The following GLIS3 variants were observed in gnomAD, a reference collection of about 807,000 sequenced individuals.
GLIS3 encodes GLIS family zinc finger 3, also known as zinc finger protein GLIS3.
A neutral mutation model predicts 78.6 loss-of-function variants in GLIS3; 53 were observed. That is an observed-to-expected ratio of 0.67 (90% CI 0.54 to 0.85). The LOEUF (loss-of-function observed/expected upper bound fraction) is 0.85. Ranked by LOEUF, GLIS3 falls within the 40% of genes least tolerant of loss-of-function variation. The pLI, the probability that GLIS3 is intolerant of heterozygous loss-of-function variation, is 0.00. For synonymous variants in GLIS3, 684 were observed against 509.9 expected, an observed-to-expected ratio of 1.34 and a Z score of -4.60; for missense variants, 1,703 against 1,231.1, an observed-to-expected ratio of 1.38 and a Z score of -5.74.
At chr9:4,237,797 T>G (rs182654281) in intron 2 of GLIS3, among the ~76,000 whole-genome samples, 1,654 of 152,342 alleles carry the variant, frequency 0.011, 11 homozygotes, top group South Asian at 0.04. Context: ...TTCTTTTCTC[T>G]CTTCCTGTTT....
rs139835816 is a variant in GLIS3, at chr9:4,117,990, G to C, written c.1488C>G (p.Ile496Met). ...TCCAGCGGCAGCAATGCTTGCCCCC[G>C]ATGCCGTCCATCTCCCCGTCGTCGT... ...TLDDDGEMDG[I>M]GGKHCCRWID... is the part of the protein sequence containing the mutation. Residue 496 changes from isoleucine (I) to methionine (M), a missense_variant, in exon 4 of 11, where the codon ATC becomes ATG. By Grantham distance (10) the Ile-to-Met change is conservative (BLOSUM62 1). Transcript: ENST00000381971. The C allele has an allele frequency of 6.2e-7, 1 of 1,611,446 alleles. No individual in the cohort carries two copies. Among genetic ancestry groups the C allele is most frequent in the African/African-American group, 1.3e-5 (1 of 74,900 alleles).
At chr9:4,340,219 T>C (rs994578429) in intron 2 of GLIS3, among the ~76,000 whole-genome samples, 6 of 151,782 alleles carry the variant, frequency 4.0e-5, no homozygotes, top group African/African-American at 1.2e-4. Flanking sequence ...AGAGTTAGTA[T>C]GTATTTTTTA....
chr9:4,445,082 TAGAA>T, the GLIS3 span, among the ~76,000 whole-genome samples: 1 of 152,316 alleles, frequency 6.6e-6, no homozygotes, highest in Admixed American at 6.5e-5. Flanking sequence ...TGGGGAATAT[TAGAA>T]AGACGGAAAT....
rs1359808778 is a variant in GLIS3, at chr9:4,276,567, G to GGAAGGGAAGC, written c.388+9470_388+9471insGCTTCCCTTC. Reference sequence around the variant, plus strand: ...GGAAGGGGAGGGGAGGGGAGGGGAGGGAAGAGAAGAAAGAAAATGCTATAG... The same window carrying GGAAGGGAAGC: ...GGAAGGGGAGGGGAGGGGAGGGGAGGGAAGGGAAGCGAAGAGAAGAAAGAAAATGCTATAG... On this transcript the variant is annotated intron_variant, in intron 2 of 10. Transcript: ENST00000381971. Among the ~76,000 whole-genome samples the GGAAGGGAAGC allele has an allele frequency of 1.2e-3, 184 of 147,516 alleles. 3 individuals are homozygous for GGAAGGGAAGC. Among genetic ancestry groups the GGAAGGGAAGC allele is most frequent in the African/African-American group, 4.5e-3 (178 of 39,730 alleles).
In GLIS3 at chr9:4,117,836, A is replaced by G. The variant is rs1165193847; in HGVS notation, c.1642T>C (p.Phe548Leu). Residue 548 changes from phenylalanine to leucine, a missense_variant, in exon 4 of 11, where the codon TTC (phenylalanine) becomes CTC (leucine). By Grantham distance (22) the Phe-to-Leu change is conservative (BLOSUM62 0). Coordinates refer to ENST00000381971, the MANE Select transcript of GLIS3 (RefSeq NM_001042413.2). ...WAGCPRRYKPFNARYKLLIHM... is the reference protein window; with the variant it reads ...WAGCPRRYKPLNARYKLLIHM... ...ATCAGCAGTTTATAGCGGGCGTTGA[A>G]GGGCTTGTATCTTCGAGGGCAACCG... is the stretch of plus-strand genomic sequence containing the variant. The G allele has an allele frequency of 1.9e-6, 3 of 1,614,010 alleles. No individual in the cohort carries two copies. The highest frequency in any genetic ancestry group is 2.5e-6 in the Non-Finnish European group (3 of 1,180,038).
At chr9:4,271,274 A>C (rs1243605193) in intron 2 of GLIS3, among the ~76,000 whole-genome samples, 2 of 152,156 alleles carry the variant, frequency 1.3e-5, no homozygotes, top group African/African-American at 4.8e-5. Flanking sequence ...TACAAAATAC[A>C]TGTTAATCAA....
chr9:3,878,856 T>C, intron 8 of GLIS3: 1 of 159,112 alleles, frequency 6.3e-6, no homozygotes, highest in Non-Finnish European at 1.4e-5. Flanking sequence ...TGGTTTGTGG[T>C]ACACAGAAGC....
chr9:3,898,929 C>A, intron 6 of GLIS3, 94 bp from the exon 7 acceptor site: 1 of 1,551,120 alleles, frequency 6.4e-7, no homozygotes, highest in East Asian at 2.3e-5. Context: ...TGCAACTCAG[C>A]CCACAAAAAT....
At position 4,118,198 on chromosome 9, in the gene GLIS3, A is replaced by AGGCC. The variant is rs1333952333; in HGVS notation, c.1276_1279dup (p.Leu427ArgfsTer128). On this transcript the variant is annotated frameshift_variant, in exon 4 of 11. Coordinates refer to ENST00000381971, the MANE Select transcript of GLIS3 (RefSeq NM_001042413.2). LOFTEE classifies it high-confidence loss of function. The surrounding 1 kb of genome is among the most constrained non-coding windows in gnomAD (Gnocchi z 4.7). The stretch of plus-strand genomic sequence containing the variant: ...CTCCTCCAGGCGTTCGGTCTTGAAC[A>AGGCC]GGCCGGCCGACTGGCTGTCGGGGCC... 1.9e-6 allele frequency: 3 copies of AGGCC among 1,584,940 alleles called. No homozygotes were observed. The highest frequency in any genetic ancestry group is 2.6e-6 in the Non-Finnish European group (3 of 1,165,352).
At chr9:4,210,477 T>A (rs924492587) in intron 2 of GLIS3, among the ~76,000 whole-genome samples, 1 of 152,184 alleles carries the variant, frequency 6.6e-6, no homozygotes, top group Non-Finnish European at 1.5e-5. Flanking sequence ...TAGAATAGAA[T>A]AGAATTTCAA....
chr9:4,111,381 A>C (rs1183646699), intron 4 of GLIS3, among the ~76,000 whole-genome samples: 6 of 152,224 alleles, frequency 3.9e-5, no homozygotes, highest in African/African-American at 7.2e-5. Flanking sequence ...AACCACGATT[A>C]GCTTTGAAAT....
intron 2 of GLIS3, among the ~76,000 whole-genome samples, chr9:4,141,245 G>C (rs1833791440): frequency 6.6e-6 from 1 of 152,204 alleles, no homozygotes; most frequent in African/African-American, 2.4e-5. Context: ...ATTGCCCAAA[G>C]TCTGGGAAGA....
chr9:4,249,098 T>C (rs770593041), intron 2 of GLIS3, among the ~76,000 whole-genome samples: 2 of 152,188 alleles, frequency 1.3e-5, no homozygotes, highest in Non-Finnish European at 2.9e-5. Context: ...CTTAGGGTTG[T>C]CTCGGCTATA....
chr9:3,924,355 T>C (rs1343573330), intron 6 of GLIS3, among the ~76,000 whole-genome samples: 1 of 152,194 alleles, frequency 6.6e-6, no homozygotes, highest in Non-Finnish European at 1.5e-5. Context: ...GGCCCCATGT[T>C]TGCCTTTCAA....
intron 5 of GLIS3, among the ~76,000 whole-genome samples, chr9:3,935,435 A>G (rs1003359338): frequency 3.9e-5 from 6 of 152,196 alleles, no homozygotes; most frequent in African/African-American, 1.4e-4. Context: ...GTTTTTTAAA[A>G]AGATATATAT....
At chr9:3,932,190 C>T (rs1332302212) in intron 6 of GLIS3, among the ~76,000 whole-genome samples, 170 bp downstream of exon 6, 1 of 152,098 alleles carries the variant, frequency 6.6e-6, no homozygotes, top group Non-Finnish European at 1.5e-5. Context: ...ATCAGCTATG[C>T]AAACCATAGC....
chr9:3,884,843 T>C (rs1821965403), intron 7 of GLIS3, among the ~76,000 whole-genome samples: 1 of 152,082 alleles, frequency 6.6e-6, no homozygotes, highest in African/African-American at 2.4e-5. Context: ...CACCACCCTA[T>C]ATTGCCTCCC....
chr9:4,009,565 G>T (rs1289645317), intron 4 of GLIS3, among the ~76,000 whole-genome samples: 1 of 152,206 alleles, frequency 6.6e-6, no homozygotes, highest in Non-Finnish European at 1.5e-5. Context: ...CATTCCTGCT[G>T]GCCAGGTGGT....
At chr9:4,311,172 G>A (rs146158994) in intron 2 of GLIS3, among the ~76,000 whole-genome samples, 10,479 of 152,312 alleles carry the variant, frequency 0.069, 503 homozygotes, top group East Asian at 0.18. Flanking sequence ...ACTTTGGGAG[G>A]CTGAGGCAGG....
Sources: allele counts gnomAD v4.1 joint callset (sites outside exome capture counted in the v4.1 genomes callset), GRCh38; gene constraint gnomAD v4.1.1; non-coding constraint Gnocchi (gnomAD v3.1); transcripts MANE v1.5; gene names NCBI Gene and HGNC (gene_info 2026-07-23, HGNC 2026-07-21).